CDKN2B: variants seen among roughly 807,000 people sequenced by gnomAD.
CDKN2B encodes cyclin dependent kinase inhibitor 2B.
Under a neutral mutation model 7.7 loss-of-function variants are expected in CDKN2B, and 8 were observed. The observed-to-expected ratio is 1.04, with a 90% confidence interval of 0.61 to 1.87. The LOEUF is 1.87. CDKN2B is among the 40% of genes most tolerant of loss of function. The pLI, the probability that CDKN2B is intolerant of heterozygous loss-of-function variation, is 0.00. For missense variants in CDKN2B, 244 were observed against 213.1 expected (o/e 1.15, Z -0.90); for synonymous variants, 93 against 95.8 (o/e 0.97, Z 0.17).
intron 1 of CDKN2B, 97 bp downstream of exon 1, chr9:22,008,701 A>C: frequency 6.2e-7 from 1 of 1,611,382 alleles, no homozygotes; most frequent in Non-Finnish European, 8.5e-7. Flanking sequence ...CTCCTGTACA[A>C]ATCTACATCG....
In CDKN2B at chr9:22,008,867, C is replaced by T; in HGVS notation, c.87G>A (p.Lys29=). ...CGCCGGCTTCCAGGAGCTGTCGCAC[C>T]TTCTCCACTAGTCCCCGCGCCGCGG... ...ASAAARGLVE[K]VRQLLEAGAD... Residue 29 remains lysine, a synonymous_variant, in exon 1 of 2, where the codon AAG becomes AAA. Transcript: ENST00000276925. 6.2e-7 allele frequency: 1 copy of T among 1,612,142 alleles called. No homozygotes were observed. The highest frequency in any genetic ancestry group is 8.5e-7 in the Non-Finnish European group (1 of 1,179,522).
Position 22,008,807 on chromosome 9 carries a change from G to GCA in CDKN2B, c.146_147insTG (p.Ile51ArgfsTer5). On this transcript the variant is annotated frameshift_variant, in exon 1 of 2. Coordinates refer to ENST00000276925, the MANE Select transcript of CDKN2B (RefSeq NM_004936.4). LOFTEE classifies it high-confidence loss of function. Reference sequence around the variant, plus strand: ...CTGGGGCCCCAGCTACCTGGATCGCGCGCCTCCCGAAACGGTTGACTCCGT... The same window carrying GCA: ...CTGGGGCCCCAGCTACCTGGATCGCGCACGCCTCCCGAAACGGTTGACTCCGT... The GCA allele has an allele frequency of 6.2e-7, 1 of 1,604,794 alleles. No individual in the cohort carries two copies. The highest frequency in any genetic ancestry group is 8.5e-7 in the Non-Finnish European group (1 of 1,175,554).
At chr9:22,008,736 C>A (rs768633034) in intron 1 of CDKN2B, 62 bp downstream of exon 1, 1 of 1,610,670 alleles carries the variant, frequency 6.2e-7, no homozygotes, top group East Asian at 2.2e-5. Flanking sequence ...AGCCCCGATC[C>A]GCCGAGGCCG....
rs1400841793 is a variant in CDKN2B at position 22,009,132 on chromosome 9, A to C, written c.-179T>G. The C allele has an allele frequency of 3.6e-6, 3 of 836,862 alleles. No homozygotes were observed. In the African/African-American group the frequency reaches 5.1e-5, roughly 14 times the overall value. The allele number at this position is 836,862 out of a possible 1,614,324, so 51.8% of individuals were successfully genotyped here. On this transcript the variant is annotated 5_prime_UTR_variant, in exon 1 of 2. Transcript: ENST00000276925. ...GGCTTGGGGCCCCGTGCAGTGGCCGAGCGGCCGGTCGTTAGCTCCGGGCTT... is the reference window on the plus strand; with the variant it reads ...GGCTTGGGGCCCCGTGCAGTGGCCGCGCGGCCGGTCGTTAGCTCCGGGCTT...
chr9:22,005,733 CTCCTAAATAT>C lies in CDKN2B; in HGVS notation c.*244_*253del, dbSNP rs1431585309. 60 of 594,300 alleles carry C rather than the reference CTCCTAAATAT, an allele frequency of 1.0e-4. No homozygotes were observed. Among genetic ancestry groups the C allele is most frequent in the Admixed American group, 3.2e-4 (11 of 34,210 alleles). 36.8% of individuals were successfully genotyped at this position (594,300 alleles called of 1,614,324 possible). ...CAAACGACCCCTGGAATGTCACACACTCCTAAATATCCCTGGAAATCCGCTTCTCTGTGTT... is the reference window on the plus strand; with the variant it reads ...CAAACGACCCCTGGAATGTCACACACCCCTGGAAATCCGCTTCTCTGTGTT... On this transcript the variant is annotated 3_prime_UTR_variant, in exon 2 of 2. Transcript: ENST00000276925. The surrounding 1 kb of genome is among the most constrained non-coding windows in gnomAD (Gnocchi z 4.9).
In CDKN2B at chr9:22,004,285, T is replaced by G; in HGVS notation, c.*1702A>C. On this transcript the variant is annotated 3_prime_UTR_variant, in exon 2 of 2. Coordinates refer to ENST00000276925, the MANE Select transcript of CDKN2B (RefSeq NM_004936.4). ...GTATTCAACTCAAATGTACTCCTTCTTATAAGTCTCCACTCTCAAATGACT... is the reference window on the plus strand; with the variant it reads ...GTATTCAACTCAAATGTACTCCTTCGTATAAGTCTCCACTCTCAAATGACT... 1 of 232,536 alleles carries G rather than the reference T, an allele frequency of 4.3e-6. No individual in the cohort carries two copies. Among genetic ancestry groups the G allele is most frequent in the Non-Finnish European group, 8.5e-6 (1 of 117,618 alleles). The allele number at this position is 232,536 out of a possible 1,614,324, so 14.4% of individuals were successfully genotyped here.
In CDKN2B at chr9:22,007,708, G is replaced by A. The variant is rs575720403; in HGVS notation, c.156+1090C>T. 2.0e-5 allele frequency among the ~76,000 whole-genome samples: 3 copies of A among 152,178 alleles called. No homozygotes were observed. The East Asian group carries it at 5.8e-4, about 29-fold the overall frequency. On this transcript the variant is annotated intron_variant, in intron 1 of 1. Transcript: ENST00000276925. ...GTGATAAGTTATATCTACTAGTGAT[G>A]TAAGGATATTTTACATAGAAAAAAA...
In CDKN2B at chr9:22,009,287, C is replaced by A. The variant is rs575060525; in HGVS notation, c.-334G>T. 4.2e-6 allele frequency: 2 copies of A among 477,632 alleles called. No homozygotes were observed. The highest frequency in any genetic ancestry group is 4.0e-5 in the East Asian group (1 of 25,296). The allele number at this position is 477,632 out of a possible 1,614,324, so 29.6% of individuals were successfully genotyped here. A position where few individuals can be genotyped will look rare whatever the true frequency, so the allele number is the denominator to read the frequency against. On this transcript the variant is annotated 5_prime_UTR_variant, in exon 1 of 2. Coordinates refer to ENST00000276925, the MANE Select transcript of CDKN2B (RefSeq NM_004936.4). ...ACGCGTCGCGGAGTCCTCACTGCCC[C>A]GCCTCGCTCTGGCAGAGTGGGGAGC...
In CDKN2B at chr9:22,006,224, G is replaced by A. The variant is rs764199965; in HGVS notation, c.180C>T (p.Arg60=). ...AIQVMMMGSA[R]VAELLLLHGA... is the part of the protein sequence containing the mutation. ...CGTGGAGCAGCAGCAGCTCCGCCAC[G>A]CGGGCGCTGCCCATCATCATGACCT... Residue 60 remains arginine, a synonymous_variant, in exon 2 of 2, where the codon CGC becomes CGT. Transcript: ENST00000276925. The surrounding 1 kb of genome is among the most constrained non-coding windows in gnomAD (Gnocchi z 6.4). The A allele has an allele frequency of 6.2e-7, 1 of 1,606,776 alleles. No homozygotes were observed. The highest frequency in any genetic ancestry group is 8.5e-7 in the Non-Finnish European group (1 of 1,179,838).
chr9:22,006,312 C>G lies in CDKN2B; in HGVS notation c.157-65G>C, dbSNP rs536369645. ...CAGGTATGGGAGATGCCGGCCGGGG[C>G]AAGGCAGGTGGAGCCATTTAAAGAA... On this transcript the variant is annotated intron_variant, in intron 1 of 1. Coordinates refer to ENST00000276925, the MANE Select transcript of CDKN2B (RefSeq NM_004936.4). This position sits in a 1 kb window ranked among gnomAD's most constrained non-coding sequence, Gnocchi z 6.4. The G allele has an allele frequency of 6.3e-7, 1 of 1,593,580 alleles. No homozygotes were observed. Among genetic ancestry groups the G allele is most frequent in the East Asian group, 2.2e-5 (1 of 44,746 alleles).
rs958302283 is a variant in CDKN2B, at chr9:22,009,277, C to T, written c.-324G>A. ...CAGGGTGCGGACGCGTCGCGGAGTC[C>T]TCACTGCCCCGCCTCGCTCTGGCAG... On this transcript the variant is annotated 5_prime_UTR_variant, in exon 1 of 2. Coordinates refer to ENST00000276925, the MANE Select transcript of CDKN2B (RefSeq NM_004936.4). 9 of 498,984 alleles carry T rather than the reference C, an allele frequency of 1.8e-5. No individual in the cohort carries two copies. Among genetic ancestry groups the T allele is most frequent in the African/African-American group, 1.8e-4 (9 of 51,136 alleles). 30.9% of individuals were successfully genotyped at this position (498,984 alleles called of 1,614,324 possible).
At chr9:22,007,481 A>G (rs1256109571) in intron 1 of CDKN2B, among the ~76,000 whole-genome samples, 1 of 152,250 alleles carries the variant, frequency 6.6e-6, no homozygotes, top group Non-Finnish European at 1.5e-5. Context: ...ATTTGTGTAC[A>G]TGAACATTAT....
At chr9:22,008,623 C>A in intron 1 of CDKN2B, 175 bp downstream of exon 1, 1 of 1,571,804 alleles carries the variant, frequency 6.4e-7, no homozygotes, top group Non-Finnish European at 8.6e-7. Context: ...TTCAATGTCT[C>A]TCTTTAGGAT....
At position 22,004,386 on chromosome 9, in the gene CDKN2B, CTT is replaced by C; in HGVS notation, c.*1599_*1600del. Reference sequence around the variant, plus strand: ...TTTAGAAGCATAATACATGTATACACTTTGTGTTTAATTTTCTATGGCATAAG... The same window carrying C: ...TTTAGAAGCATAATACATGTATACACTGTGTTTAATTTTCTATGGCATAAG... On this transcript the variant is annotated 3_prime_UTR_variant, in exon 2 of 2. Transcript: ENST00000276925. 4.3e-6 allele frequency: 1 copy of C among 232,132 alleles called. No homozygotes were observed. Among genetic ancestry groups the C allele is most frequent in the East Asian group, 6.1e-5 (1 of 16,284 alleles). 14.4% of individuals were successfully genotyped at this position (232,132 alleles called of 1,614,324 possible). A position where few individuals can be genotyped will look rare whatever the true frequency, so the allele number is the denominator to read the frequency against.
At position 22,006,153 on chromosome 9, in the gene CDKN2B, A is replaced by C. The variant is rs762447471; in HGVS notation, c.251T>G (p.Val84Gly). 6.2e-7 allele frequency: 1 copy of C among 1,611,636 alleles called. No homozygotes were observed. The highest frequency in any genetic ancestry group is 1.3e-5 in the African/African-American group (1 of 75,038). Reference sequence around the variant, plus strand: ...GAAGCCCTCCCGGGCAGCATCATGCACCGGTCGGGTGAGAGTGGCAGGGTC... The same window carrying C: ...GAAGCCCTCCCGGGCAGCATCATGCCCCGGTCGGGTGAGAGTGGCAGGGTC... ...CADPATLTRPVHDAAREGFLD... is the reference protein window; with the variant it reads ...CADPATLTRPGHDAAREGFLD... Residue 84 changes from valine to glycine, a missense_variant, in exon 2 of 2, where the codon GTG (valine) becomes GGG (glycine). Transcript: ENST00000276925. This position sits in a 1 kb window ranked among gnomAD's most constrained non-coding sequence, Gnocchi z 6.4.
chr9:22,006,293 T>A lies in CDKN2B; in HGVS notation c.157-46A>T. ...GTCAGAGCCAGGGTGGGGGCAGGTA[T>A]GGGAGATGCCGGCCGGGGCAAGGCA... is the stretch of plus-strand genomic sequence containing the variant. On this transcript the variant is annotated intron_variant, in intron 1 of 1. Transcript: ENST00000276925. This position sits in a 1 kb window ranked among gnomAD's most constrained non-coding sequence, Gnocchi z 6.4. The A allele has an allele frequency of 6.3e-7, 1 of 1,598,938 alleles. No homozygotes were observed. The highest frequency in any genetic ancestry group is 1.3e-5 in the African/African-American group (1 of 75,022).
chr9:22,004,437 G>C lies in CDKN2B; in HGVS notation c.*1550C>G, dbSNP rs912478578. 1.3e-5 allele frequency: 3 copies of C among 232,300 alleles called. No individual in the cohort carries two copies. The highest frequency in any genetic ancestry group is 2.6e-5 in the Non-Finnish European group (3 of 117,590). The allele number at this position is 232,300 out of a possible 1,614,324, so 14.4% of individuals were successfully genotyped here. On this transcript the variant is annotated 3_prime_UTR_variant, in exon 2 of 2. Transcript: ENST00000276925. Reference sequence around the variant, plus strand: ...AGTAAGCAGTTTTTATGAATTGCTGGTATTGCTTATGAGCAATTATTACAA... The same window carrying C: ...AGTAAGCAGTTTTTATGAATTGCTGCTATTGCTTATGAGCAATTATTACAA...
rs960670536 is a variant in CDKN2B at position 22,004,059 on chromosome 9, A to G, written c.*1928T>C. 5 of 232,504 alleles carry G rather than the reference A, an allele frequency of 2.2e-5. No homozygotes were observed. The highest frequency in any genetic ancestry group is 3.4e-5 in the Non-Finnish European group (4 of 117,698). The allele number at this position is 232,504 out of a possible 1,614,324, so 14.4% of individuals were successfully genotyped here. On this transcript the variant is annotated 3_prime_UTR_variant, in exon 2 of 2. Coordinates refer to ENST00000276925, the MANE Select transcript of CDKN2B (RefSeq NM_004936.4). The stretch of plus-strand genomic sequence containing the variant: ...AAGTTACTTGATATTTCTTTGCCTC[A>G]TTGTCCTCATCTGGGAAACAATACC...
chr9:22,002,911 A>T lies in CDKN2B; in HGVS notation c.*3076T>A, dbSNP rs773996947. The T allele has an allele frequency of 2.7e-5, 5 of 185,000 alleles. No homozygotes were observed. The highest frequency in any genetic ancestry group is 1.2e-4 in the African/African-American group (5 of 42,674). The allele number at this position is 185,000 out of a possible 1,614,324, so 11.5% of individuals were successfully genotyped here. ...AAATGAAGCCAAATGAATGTTATTAAATTTATAAATTTATTTAACTTTCCA... is the reference window on the plus strand; with the variant it reads ...AAATGAAGCCAAATGAATGTTATTATATTTATAAATTTATTTAACTTTCCA... On this transcript the variant is annotated 3_prime_UTR_variant, in exon 2 of 2. Transcript: ENST00000276925.
Sources: allele counts gnomAD v4.1 joint callset (sites outside exome capture counted in the v4.1 genomes callset), GRCh38; gene constraint gnomAD v4.1.1; non-coding constraint Gnocchi (gnomAD v3.1); transcripts MANE v1.5; gene names NCBI Gene and HGNC (gene_info 2026-07-23, HGNC 2026-07-21).